The following MMAA variants were observed in gnomAD, a reference collection of about 807,000 sequenced individuals.
MMAA encodes methylmalonic aciduria type A protein, mitochondrial.
In MMAA, 41 loss-of-function variants were observed where a neutral mutation model predicts 45.0. The ratio of observed to expected loss-of-function variants is 0.91; its 90% CI spans 0.71 to 1.18. The LOEUF (loss-of-function observed/expected upper bound fraction) is 1.18, where lower values mean the gene tolerates loss of function less well. MMAA is among the 50% of genes most tolerant of loss of function. The pLI is 0.00. For missense variants in MMAA, 460 were observed against 495.7 expected, an observed-to-expected ratio of 0.93 and a Z score of 0.68; for synonymous variants, 154 against 178.2, an observed-to-expected ratio of 0.86 and a Z score of 1.08.
At chr4:145,638,349 A>G (rs1024648205) in intron 1 of MMAA, among the ~76,000 whole-genome samples, 2 of 151,642 alleles carry the variant, frequency 1.3e-5, no homozygotes, top group African/African-American at 4.9e-5. Context: ...AGCATGAGCG[A>G]GAGAGTGAGA....
chr4:145,624,192 C>CT, intron 1 of MMAA: 2 of 866,016 alleles, frequency 2.3e-6, no homozygotes, highest in South Asian at 2.6e-5. Flanking sequence ...ATAACCACTT[C>CT]TTTTTATCAA....
At chr4:145,621,999 C>G (rs1734098368) in intron 1 of MMAA, among the ~76,000 whole-genome samples, 1 of 152,048 alleles carries the variant, frequency 6.6e-6, no homozygotes, top group Non-Finnish European at 1.5e-5. Flanking sequence ...GAGTTATTGA[C>G]CCATGCAGAA....
At position 145,645,975 on chromosome 4, in the gene MMAA, G is replaced by A; in HGVS notation, c.563-11G>A. 1 of 1,613,454 alleles carries A rather than the reference G, an allele frequency of 6.2e-7. No individual in the cohort carries two copies. The highest frequency in any genetic ancestry group is 1.3e-5 in the African/African-American group (1 of 74,996). On this transcript the variant is annotated splice_polypyrimidine_tract_variant and intron_variant, in intron 3 of 6. Transcript: ENST00000649156. The stretch of plus-strand genomic sequence containing the variant: ...TGTTCCATGATTATAAAATGTAACT[G>A]TATGTTTTAGGATCACTCTTAGGTG...
chr4:145,659,258 C>T lies in MMAA; in HGVS notation c.*3824C>T, dbSNP rs72950842. 1 of 152,096 alleles carries T rather than the reference C, an allele frequency of 6.6e-6. No homozygotes were observed. The highest frequency in any genetic ancestry group is 2.1e-4 in the South Asian group (1 of 4,832). The allele number at this position is 152,096 out of a possible 1,614,324, so 9.4% of individuals were successfully genotyped here. A position where few individuals can be genotyped will look rare whatever the true frequency, so the allele number is the denominator to read the frequency against. On this transcript the variant is annotated 3_prime_UTR_variant, in exon 7 of 7. Coordinates refer to ENST00000649156, the MANE Select transcript of MMAA (RefSeq NM_172250.3). The stretch of plus-strand genomic sequence containing the variant: ...TTATAGTCCCTGTCCCATGAAGCTT[C>T]TGTGGATTTGCTTTGTTTGTCATTT...
At chr4:145,638,618 A>G (rs1327370799) in intron 1 of MMAA, among the ~76,000 whole-genome samples, 4 of 152,218 alleles carry the variant, frequency 2.6e-5, no homozygotes, top group African/African-American at 9.6e-5. Flanking sequence ...TTACACCTGA[A>G]GTGCCCACCG....
chr4:145,633,194 T>A (rs115387900), intron 1 of MMAA, among the ~76,000 whole-genome samples: 7,020 of 140,618 alleles, frequency 0.05, 229 homozygotes, highest in Middle Eastern at 0.1. Flanking sequence ...GAATTTCTTT[T>A]TCTTTTTTTT....
At chr4:145,630,500 G>A (rs2126610957) in intron 1 of MMAA, among the ~76,000 whole-genome samples, 1 of 152,256 alleles carries the variant, frequency 6.6e-6, no homozygotes, top group East Asian at 1.9e-4. Flanking sequence ...AGGCTGAGGT[G>A]GGTGGATCAC....
chr4:145,650,927 T>C, intron 4 of MMAA, 135 bp from the exon 5 acceptor site: 2 of 770,954 alleles, frequency 2.6e-6, no homozygotes, highest in Non-Finnish European at 4.6e-6. Context: ...AGAAGTGAGA[T>C]GTTTAAAGGA....
intron 5 of MMAA, 118 bp downstream of exon 5, chr4:145,651,265 T>A: frequency 1.1e-6 from 1 of 874,802 alleles, no homozygotes; most frequent in Non-Finnish European, 1.8e-6. Flanking sequence ...GAAATATCAT[T>A]CATGTTGGCT....
chr4:145,649,532 T>TA (rs1174186646), intron 4 of MMAA, among the ~76,000 whole-genome samples: 1 of 152,126 alleles, frequency 6.6e-6, no homozygotes, highest in African/African-American at 2.4e-5. Context: ...AGGGGTGGCA[T>TA]AAGAGGTATA....
chr4:145,627,175 T>C (rs1438428046), intron 1 of MMAA, among the ~76,000 whole-genome samples: 1 of 152,214 alleles, frequency 6.6e-6, no homozygotes, highest in East Asian at 1.9e-4. Flanking sequence ...GTTAAAGCAA[T>C]CTAGAATATT....
Position 145,656,926 on chromosome 4 carries a change from A to G in MMAA, c.*1492A>G, listed in dbSNP as rs1728249527. ...AGCTATTTCATACAAGGATTAGGAG[A>G]AACTTTGAAAGGTTATCCACTTGAC... On this transcript the variant is annotated 3_prime_UTR_variant, in exon 7 of 7. Coordinates refer to ENST00000649156, the MANE Select transcript of MMAA (RefSeq NM_172250.3). The G allele has an allele frequency of 6.6e-6, 1 of 152,206 alleles. No individual in the cohort carries two copies. The highest frequency in any genetic ancestry group is 1.5e-5 in the Non-Finnish European group (1 of 68,036). 9.4% of individuals were successfully genotyped at this position (152,206 alleles called of 1,614,324 possible).
At chr4:145,622,667 TCATTAA>T (rs1734112805) in intron 1 of MMAA, among the ~76,000 whole-genome samples, 1 of 152,228 alleles carries the variant, frequency 6.6e-6, no homozygotes, top group Non-Finnish European at 1.5e-5. Context: ...TTTTACATAC[TCATTAA>T]CATAGTGATT....
intron 3 of MMAA, among the ~76,000 whole-genome samples, chr4:145,644,499 A>T (rs1727875445): frequency 6.6e-6 from 1 of 152,216 alleles, no homozygotes; most frequent in South Asian, 2.1e-4. Flanking sequence ...AAGAGGGAAA[A>T]TGAATATTCA....
chr4:145,642,708 A>G lies in MMAA; in HGVS notation c.562+223A>G. On this transcript the variant is annotated intron_variant, in intron 3 of 6. Transcript: ENST00000649156. ...TGGATAGCTCAGTGGGCACTCAGAA[A>G]ACTGCGACAACAGGTGCCAGAAGTT... 2.6e-5 allele frequency: 14 copies of G among 548,830 alleles called. No individual in the cohort carries two copies. In the South Asian group the frequency reaches 2.8e-4, roughly 11 times the overall value. 34.0% of individuals were successfully genotyped at this position (548,830 alleles called of 1,614,324 possible).
At chr4:145,645,378 A>T (rs1397980912) in intron 3 of MMAA, among the ~76,000 whole-genome samples, 6 of 152,168 alleles carry the variant, frequency 3.9e-5, no homozygotes, top group African/African-American at 1.4e-4. Flanking sequence ...TATAAGGTGG[A>T]TAAGTTCTGT....
intron 2 of MMAA, among the ~76,000 whole-genome samples, chr4:145,641,420 A>T (rs1293579092): frequency 6.6e-6 from 1 of 152,200 alleles, no homozygotes. Context: ...TTTATTCAGC[A>T]CCTAAAAAGG....
At chr4:145,627,577 G>A (rs573318730) in intron 1 of MMAA, among the ~76,000 whole-genome samples, 108 of 152,166 alleles carry the variant, frequency 7.1e-4, no homozygotes, top group Non-Finnish European at 8.2e-4. Flanking sequence ...GGTAAGGAGC[G>A]GTCTATAAGT....
chr4:145,631,049 A>T (rs1046050935), intron 1 of MMAA, among the ~76,000 whole-genome samples: 5 of 152,154 alleles, frequency 3.3e-5, no homozygotes, highest in African/African-American at 1.2e-4. Flanking sequence ...ATGTTTCAGG[A>T]CTTGTTTTGT....
Sources: gnomAD v4.1 joint callset for allele counts (sites outside exome capture counted in the v4.1 genomes callset) on GRCh38, gnomAD v4.1.1 for gene constraint, MANE v1.5 for transcripts, NCBI Gene and HGNC (gene_info 2026-07-23, HGNC 2026-07-21) for gene names.